Variants in TCTN3 observed in about 807,000 individuals in gnomAD.
TCTN3 encodes the protein tectonic family member 3, also known as tectonic-3.
In TCTN3, 57 loss-of-function variants were observed where a neutral mutation model predicts 71.3. The observed-to-expected ratio is 0.80, with a 90% confidence interval of 0.65 to 1.00. The LOEUF (loss-of-function observed/expected upper bound fraction) is 1.00. Ranked by LOEUF, TCTN3 falls within the 50% of genes least tolerant of loss-of-function variation. The pLI is 0.00. For missense variants in TCTN3, 696 were observed against 719.9 expected (o/e 0.97, Z 0.38); for synonymous variants, 258 against 267.8 (o/e 0.96, Z 0.36).
intron 2 of TCTN3, 92 bp downstream of exon 2, chr10:95,693,261 G>A: frequency 6.6e-7 from 1 of 1,513,636 alleles, no homozygotes; most frequent in Non-Finnish European, 8.9e-7. Context: ...AGTACGGGTG[G>A]GAGGCACAAA....
chr10:95,665,267 C>T (rs559206161), intron 13 of TCTN3, among the ~76,000 whole-genome samples: 1 of 152,210 alleles, frequency 6.6e-6, no homozygotes, highest in East Asian at 1.9e-4. Context: ...CACAACCACA[C>T]CTGGCTAAAT....
intron 8 of TCTN3, 105 bp from the exon 9 acceptor site, chr10:95,684,729 C>G: frequency 8.3e-7 from 1 of 1,198,070 alleles, no homozygotes; most frequent in Non-Finnish European, 1.1e-6. Context: ...CTAAATGAGG[C>G]AGACTGAAAC....
intron 4 of TCTN3, 33 bp from the exon 5 acceptor site, chr10:95,687,388 G>T: frequency 1.9e-6 from 3 of 1,570,008 alleles, no homozygotes; most frequent in Non-Finnish European, 2.6e-6. Flanking sequence ...TTTGTTCACA[G>T]TGAGACTGGA....
intron 3 of TCTN3, among the ~76,000 whole-genome samples, chr10:95,691,761 T>C (rs10748638): frequency 0.62 from 94,774 of 152,060 alleles, 29,760 homozygotes; most frequent in East Asian, 0.72. Context: ...ACCAGCAAAT[T>C]TCTAAGTCCA....
Position 95,693,889 on chromosome 10 carries a change from G to C in TCTN3, c.11C>G (p.Pro4Arg). The change falls in exon 1 of 14, where the codon CCA (proline) becomes CGA (arginine). Residue 4 changes from proline (P) to arginine (R), a missense_variant. By Grantham distance (103) the Pro-to-Arg change is moderately radical. Coordinates refer to ENST00000371217, the MANE Select transcript of TCTN3 (RefSeq NM_015631.6). MRTPQLALLQVFFL... is the reference protein window; with the variant it reads MRTRQLALLQVFFL... ...GAACACTTGCAGGAGCGCGAGCTGT[G>C]GGGTGCGCATGGGGCATTCAGGGCC... is the stretch of plus-strand genomic sequence containing the variant. The C allele has an allele frequency of 1.9e-6, 3 of 1,551,654 alleles. No individual in the cohort carries two copies. Among genetic ancestry groups the C allele is most frequent in the South Asian group, 1.2e-5 (1 of 84,058 alleles).
At position 95,685,568 on chromosome 10, in the gene TCTN3, A is replaced by C. The variant is rs1176554738; in HGVS notation, c.957T>G (p.Asn319Lys). The change falls in exon 8 of 14, where the codon AAT (asparagine) becomes AAG (lysine). Residue 319 changes from asparagine to lysine, a missense_variant. Physicochemically the swap from Asn to Lys is moderately conservative, Grantham distance 94. Coordinates refer to ENST00000371217, the MANE Select transcript of TCTN3 (RefSeq NM_015631.6). The stretch of plus-strand genomic sequence containing the variant: ...TCAGTATCCCTACCTGAGAAACTAC[A>C]TTCTGACAAGTGTTTCCAGCCAACA... ...APLLAGNTCQ[N>K]VVSQVTYEIE... is the part of the protein sequence containing the mutation. The C allele has an allele frequency of 3.2e-6, 5 of 1,551,262 alleles. No individual in the cohort carries two copies. The highest frequency in any genetic ancestry group is 3.9e-5 in the Admixed American group (2 of 50,984).
intron 1 of TCTN3, 82 bp from the exon 2 acceptor site, chr10:95,693,558 C>T (rs2097955727): frequency 7.1e-6 from 11 of 1,548,790 alleles, no homozygotes; most frequent in Non-Finnish European, 9.6e-6. Context: ...CCGACAGCCC[C>T]ACTCCTGCTT....
At chr10:95,679,901 G>A (rs2097941246) in intron 13 of TCTN3, among the ~76,000 whole-genome samples, 1 of 152,166 alleles carries the variant, frequency 6.6e-6, no homozygotes, top group Non-Finnish European at 1.5e-5. Flanking sequence ...TCATTTCTAA[G>A]TAAAATGAAA....
chr10:95,683,003 T>A, intron 11 of TCTN3, 98 bp downstream of exon 11: 2 of 1,328,544 alleles, frequency 1.5e-6, no homozygotes, highest in Non-Finnish European at 2.1e-6. Context: ...CTGACTAGCA[T>A]TTTCCGAACT....
In TCTN3 at chr10:95,685,567, C is replaced by A. The variant is rs1032919947; in HGVS notation, c.958G>T (p.Val320Leu). ...GTCAGTATCCCTACCTGAGAAACTA[C>A]ATTCTGACAAGTGTTTCCAGCCAAC... ...PLLAGNTCQNVVSQVTYEIET... is the reference protein window; with the variant it reads ...PLLAGNTCQNLVSQVTYEIET... Residue 320 changes from valine (V) to leucine (L), a missense_variant, in exon 8 of 14, where the codon GTA (valine) becomes TTA (leucine). Transcript: ENST00000371217. 9 of 1,551,164 alleles carry A rather than the reference C, an allele frequency of 5.8e-6. No homozygotes were observed. In the African/African-American group the frequency reaches 8.2e-5, roughly 14 times the overall value.
At chr10:95,681,730 T>C (rs1404489394) in intron 12 of TCTN3, among the ~76,000 whole-genome samples, 1 of 152,160 alleles carries the variant, frequency 6.6e-6, no homozygotes, top group Non-Finnish European at 1.5e-5. Context: ...ATAATTACAA[T>C]AGAAAGAGCA....
intron 11 of TCTN3, 133 bp downstream of exon 11, chr10:95,682,966 AAC>A: frequency 1.6e-6 from 2 of 1,221,572 alleles, no homozygotes; most frequent in Middle Eastern, 2.0e-4. Context: ...TAGCAATATC[AAC>A]ACTATTTAGA....
intron 8 of TCTN3, 137 bp from the exon 9 acceptor site, chr10:95,684,761 C>T: frequency 1.1e-6 from 1 of 871,568 alleles, no homozygotes; most frequent in Non-Finnish European, 1.7e-6. Flanking sequence ...AAATGCCAAA[C>T]ACAAATACTA....
chr10:95,664,928 C>A (rs576564175), intron 13 of TCTN3, among the ~76,000 whole-genome samples: 14 of 152,252 alleles, frequency 9.2e-5, no homozygotes, highest in African/African-American at 3.4e-4. Context: ...GCTCAACAAG[C>A]AAACTTTTGA....
intron 13 of TCTN3, among the ~76,000 whole-genome samples, chr10:95,668,682 C>A (rs1269768878): frequency 6.6e-6 from 1 of 151,920 alleles, no homozygotes; most frequent in Non-Finnish European, 1.5e-5. Flanking sequence ...TCCATAAATA[C>A]AAGAGAATAA....
At chr10:95,674,403 T>C (rs973808198) in intron 13 of TCTN3, among the ~76,000 whole-genome samples, 1 of 152,064 alleles carries the variant, frequency 6.6e-6, no homozygotes, top group Non-Finnish European at 1.5e-5. Flanking sequence ...TTAAAGAATA[T>C]AAATAAAAAT....
chr10:95,677,024 T>C (rs2097937803), intron 13 of TCTN3, among the ~76,000 whole-genome samples: 1 of 152,202 alleles, frequency 6.6e-6, no homozygotes, highest in Admixed American at 6.5e-5. Context: ...ATCTCCTAGA[T>C]AATCTAAAGA....
chr10:95,675,414 A>T (rs1309061040), intron 13 of TCTN3, among the ~76,000 whole-genome samples: 1 of 152,186 alleles, frequency 6.6e-6, no homozygotes, highest in Non-Finnish European at 1.5e-5. Flanking sequence ...TAACATAGGA[A>T]ACATTAAGCA....
At chr10:95,678,531 C>T (rs1434500304) in intron 13 of TCTN3, among the ~76,000 whole-genome samples, 2 of 57,394 alleles carry the variant, frequency 3.5e-5, no homozygotes, top group Non-Finnish European at 4.0e-5. Flanking sequence ...GAAACACTGT[C>T]TCAAAAAAAA....
Sources: allele counts gnomAD v4.1 joint callset (sites outside exome capture counted in the v4.1 genomes callset), GRCh38; gene constraint gnomAD v4.1.1; transcripts MANE v1.5; gene names NCBI Gene and HGNC (gene_info 2026-07-23, HGNC 2026-07-21).